The following MEIS2 variants were observed in gnomAD, a reference collection of about 807,000 sequenced individuals.
The protein encoded by MEIS2 is Meis homeobox 2.
In MEIS2, 9 loss-of-function variants were observed where a neutral mutation model predicts 58.6. The ratio of observed to expected loss-of-function variants is 0.15; its 90% confidence interval spans 0.09 to 0.27. MEIS2 has a LOEUF of 0.27. Ranked by LOEUF, MEIS2 falls within the 10% of genes least tolerant of loss-of-function variation. MEIS2 has a pLI of 1.00. For synonymous variants in MEIS2, 221 were observed against 228.4 expected, an observed-to-expected ratio of 0.97 and a Z score of 0.29; for missense variants, 427 against 635.0, an observed-to-expected ratio of 0.67 and a Z score of 3.52.
chr15:37,056,342 G>GA (rs1178834307), intron 7 of MEIS2, among the ~76,000 whole-genome samples: 2 of 152,064 alleles, frequency 1.3e-5, no homozygotes, highest in African/African-American at 2.4e-5. Context: ...CCTCTGATGG[G>GA]AAAATGCCAA....
At chr15:37,036,686 T>A in intron 8 of MEIS2, 128 bp downstream of exon 8, 2 of 1,061,416 alleles carry the variant, frequency 1.9e-6, no homozygotes, top group Non-Finnish European at 2.6e-6. Context: ...TTAACTAGTC[T>A]GTTAGTCATC....
At chr15:37,004,233 A>G (rs1005580948) in intron 8 of MEIS2, among the ~76,000 whole-genome samples, 1 of 152,196 alleles carries the variant, frequency 6.6e-6, no homozygotes, top group Non-Finnish European at 1.5e-5. Context: ...TGTACTCAAG[A>G]GAAATAATTA....
intron 7 of MEIS2, among the ~76,000 whole-genome samples, chr15:37,039,722 T>A (rs1366321244): frequency 1.3e-5 from 2 of 152,360 alleles, no homozygotes; most frequent in African/African-American, 4.8e-5. Flanking sequence ...ACCCGTTGTA[T>A]ATAAATGTAA....
chr15:37,047,650 G>A (rs1257006756), intron 7 of MEIS2, among the ~76,000 whole-genome samples: 1 of 152,146 alleles, frequency 6.6e-6, no homozygotes, highest in South Asian at 2.1e-4. Context: ...TTGACACAAC[G>A]GTCATGGTTT....
chr15:37,001,207 C>T (rs905224021), intron 8 of MEIS2, among the ~76,000 whole-genome samples: 1 of 152,148 alleles, frequency 6.6e-6, no homozygotes, highest in South Asian at 2.1e-4. Context: ...TCTTAGTTCT[C>T]TAGTATCTTC....
At chr15:37,068,558 A>G (rs7179655) in intron 7 of MEIS2, among the ~76,000 whole-genome samples, 149,281 of 152,312 alleles carry the variant, frequency 0.98, 73,216 homozygotes, top group East Asian at 1. Flanking sequence ...AGCACTCCGC[A>G]CTCATTATGA....
At chr15:37,013,263 G>A (rs1016835810) in intron 8 of MEIS2, among the ~76,000 whole-genome samples, 1 of 152,090 alleles carries the variant, frequency 6.6e-6, no homozygotes, top group Non-Finnish European at 1.5e-5. Context: ...GAGCAGAAGA[G>A]AGGAGAGGAA....
intron 8 of MEIS2, among the ~76,000 whole-genome samples, chr15:36,976,646 G>T (rs2059770317): frequency 6.6e-6 from 1 of 151,792 alleles, no homozygotes. Flanking sequence ...GCAGATCTAA[G>T]GGTTGATACT....
intron 9 of MEIS2, among the ~76,000 whole-genome samples, chr15:36,908,995 T>A (rs191465862): frequency 2.0e-4 from 31 of 152,266 alleles, no homozygotes; most frequent in Middle Eastern, 3.4e-3. Flanking sequence ...CTTAATTTAG[T>A]ACTTGGTTTA....
chr15:36,971,344 G>C (rs1438352063), intron 8 of MEIS2, among the ~76,000 whole-genome samples: 7 of 151,548 alleles, frequency 4.6e-5, no homozygotes, highest in Non-Finnish European at 7.4e-5. Flanking sequence ...GCATCACCTG[G>C]TAATACAAAT....
chr15:36,948,088 G>A (rs1257103887), intron 9 of MEIS2, among the ~76,000 whole-genome samples: 1 of 151,800 alleles, frequency 6.6e-6, no homozygotes, highest in African/African-American at 2.4e-5. Flanking sequence ...ACTAAGACTT[G>A]GACCCGAGGG....
chr15:37,046,851 ATATATT>A (rs1403078128), intron 7 of MEIS2, among the ~76,000 whole-genome samples: 2 of 150,904 alleles, frequency 1.3e-5, no homozygotes, highest in Non-Finnish European at 1.5e-5. Context: ...ATATATATAT[ATATATT>A]TAATTCATTG....
intron 9 of MEIS2, among the ~76,000 whole-genome samples, chr15:36,932,245 A>G (rs140096424): frequency 4.1e-4 from 63 of 152,334 alleles, no homozygotes; most frequent in African/African-American, 1.3e-3. Flanking sequence ...AACATTGATA[A>G]GAGATGCCGA....
chr15:36,977,198 T>C lies in MEIS2; in HGVS notation c.901-26798A>G, dbSNP rs964151049. Among the ~76,000 whole-genome samples, 6 of 152,160 alleles carry C rather than the reference T, an allele frequency of 3.9e-5. No individual in the cohort carries two copies. The South Asian group carries it at 8.3e-4, about 21-fold the overall frequency. On this transcript the variant is annotated intron_variant, in intron 8 of 11. Coordinates refer to ENST00000561208, the MANE Select transcript of MEIS2 (RefSeq NM_170675.5). Reference sequence around the variant, plus strand: ...AGTGTATATATATATAACAATTCAATAATAAAATTTTAGAACCAAAATTCA... The same window carrying C: ...AGTGTATATATATATAACAATTCAACAATAAAATTTTAGAACCAAAATTCA...
At chr15:36,959,139 G>T (rs1226509141) in intron 8 of MEIS2, among the ~76,000 whole-genome samples, 1 of 152,098 alleles carries the variant, frequency 6.6e-6, no homozygotes, top group Non-Finnish European at 1.5e-5. Context: ...GCCAAACCTC[G>T]CTGGCTTTCC....
chr15:36,913,066 C>A (rs921097420), intron 9 of MEIS2, among the ~76,000 whole-genome samples: 1 of 152,054 alleles, frequency 6.6e-6, no homozygotes, highest in African/African-American at 2.4e-5. Flanking sequence ...CAAAATAACA[C>A]AAAGGGTATA....
At chr15:37,031,540 G>A (rs559282316) in intron 8 of MEIS2, among the ~76,000 whole-genome samples, 1 of 151,458 alleles carries the variant, frequency 6.6e-6, no homozygotes, top group Admixed American at 6.6e-5. Flanking sequence ...ACATCACATG[G>A]AACTGAATAT....
chr15:36,922,470 T>C (rs1318849314), intron 9 of MEIS2, among the ~76,000 whole-genome samples: 1 of 152,038 alleles, frequency 6.6e-6, no homozygotes, highest in African/African-American at 2.4e-5. Flanking sequence ...AAGATCCTTT[T>C]TTTTTTTAAA....
intron 7 of MEIS2, among the ~76,000 whole-genome samples, chr15:37,068,122 TA>T (rs1890204769): frequency 6.6e-6 from 1 of 152,204 alleles, no homozygotes; most frequent in Non-Finnish European, 1.5e-5. Context: ...TTCGAAGAAT[TA>T]AATCAGTCAC....
Sources: allele counts gnomAD v4.1 joint callset (sites outside exome capture counted in the v4.1 genomes callset), GRCh38; gene constraint gnomAD v4.1.1; transcripts MANE v1.5; gene names NCBI Gene and HGNC (gene_info 2026-07-23, HGNC 2026-07-21).